PROSER1: variants seen among roughly 807,000 people sequenced by gnomAD.
PROSER1 encodes proline and serine-rich protein 1.
PROSER1 carries 36 observed loss-of-function variants against 71.8 expected under a neutral mutation model. The ratio of observed to expected loss-of-function variants is 0.50; its 90% CI spans 0.38 to 0.66. The LOEUF is 0.66. PROSER1 is among the 30% of genes least tolerant of loss of function. The pLI is 0.00. For synonymous variants in PROSER1, 490 were observed against 452.4 expected (o/e 1.08, Z -1.06); for missense variants, 1,107 against 1,135.0 (o/e 0.98, Z 0.35).
chr13:39,035,701 C>T lies in PROSER1; in HGVS notation c.45+1497G>A, dbSNP rs532867922. Among the ~76,000 whole-genome samples the T allele has an allele frequency of 2.0e-5, 3 of 152,262 alleles. No individual in the cohort carries two copies. The South Asian group carries it at 6.2e-4, about 32-fold the overall frequency. On this transcript the variant is annotated intron_variant, in intron 1 of 12. Transcript: ENST00000352251. The stretch of plus-strand genomic sequence containing the variant: ...TGTTTTAAATGACAGTAGTGACAAT[C>T]AGTATTATCTATCATATAAACTCAC...
At position 39,014,064 on chromosome 13, in the gene PROSER1, A is replaced by G. The variant is rs1168043836; in HGVS notation, c.1188T>C (p.Phe396=). ...PRSTLGSSEA[F]ASTSAPFTSL... is the part of the protein sequence containing the mutation. ...TAGTGAAAGGTGCAGAAGTAGAAGC[A>G]AATGCTTCACTGGAACCAAGAGTGG... The change falls in exon 11 of 13, where the codon TTT becomes TTC. Residue 396 remains phenylalanine, a synonymous_variant. Transcript: ENST00000352251. 6.2e-7 allele frequency: 1 copy of G among 1,614,212 alleles called. No homozygotes were observed. The highest frequency in any genetic ancestry group is 2.2e-5 in the East Asian group (1 of 44,882).
intron 10 of PROSER1, among the ~76,000 whole-genome samples, chr13:39,015,631 T>C (rs997701025): frequency 6.6e-6 from 1 of 152,154 alleles, no homozygotes; most frequent in Admixed American, 6.5e-5. Flanking sequence ...ACATAATTCA[T>C]TTGCACTATG....
chr13:39,022,595 A>G, intron 8 of PROSER1, 183 bp from the exon 9 acceptor site: 1 of 523,618 alleles, frequency 1.9e-6, no homozygotes, highest in Non-Finnish European at 3.4e-6. Context: ...CTGACACCAA[A>G]TGAAACAACC....
At chr13:39,022,201 C>G (rs1870322542) in intron 9 of PROSER1, 125 bp downstream of exon 9, 1 of 692,444 alleles carries the variant, frequency 1.4e-6, no homozygotes, top group African/African-American at 1.8e-5. Flanking sequence ...GATTCACTTC[C>G]AGATCCTTCA....
chr13:39,023,826 A>C (rs534577978), intron 7 of PROSER1: 6 of 152,722 alleles, frequency 3.9e-5, no homozygotes, highest in African/African-American at 1.4e-4. Flanking sequence ...CTACAGAGAG[A>C]GCATGTGCAT....
chr13:39,016,917 T>TTTGTC (rs1870032750), intron 10 of PROSER1, among the ~76,000 whole-genome samples: 1 of 152,188 alleles, frequency 6.6e-6, no homozygotes, highest in Non-Finnish European at 1.5e-5. Flanking sequence ...TTTTGTCTCA[T>TTTGTC]ACAAGAAAGC....
At chr13:39,016,366 T>C (rs868789473) in intron 10 of PROSER1, among the ~76,000 whole-genome samples, 3 of 152,332 alleles carry the variant, frequency 2.0e-5, no homozygotes, top group Non-Finnish European at 2.9e-5. Context: ...ACTAAGCAAC[T>C]GGATAAAAGA....
Position 39,013,082 on chromosome 13 carries a change from A to C in PROSER1, c.2170T>G (p.Ser724Ala). Reference sequence around the variant, plus strand: ...GCGGTAGATGAGGTGGCTATTAATGACCCTGGGAGAGATACTGACGGATTA... The same window carrying C: ...GCGGTAGATGAGGTGGCTATTAATGCCCCTGGGAGAGATACTGACGGATTA... ...SLNPSVSLPG[S>A]LIATSSTAAT... The change falls in exon 11 of 13, where the codon TCA (serine) becomes GCA (alanine). Residue 724 changes from serine (S) to alanine (A), a missense_variant. By Grantham distance (99) the Ser-to-Ala change is moderately conservative (BLOSUM62 1). Transcript: ENST00000352251. 1 of 1,614,088 alleles carries C rather than the reference A, an allele frequency of 6.2e-7. No individual in the cohort carries two copies. The highest frequency in any genetic ancestry group is 8.5e-7 in the Non-Finnish European group (1 of 1,180,014).
At chr13:39,031,500 C>T (rs1870840174) in intron 3 of PROSER1, 63 bp downstream of exon 3, 3 of 1,177,594 alleles carry the variant, frequency 2.5e-6, no homozygotes, top group African/African-American at 1.6e-5. Context: ...ATAAATTACA[C>T]ACAACTGGGA....
rs1481702365 is a variant in PROSER1 at position 39,031,567 on chromosome 13, T to C, written c.176A>G (p.Gln59Arg). Residue 59 changes from glutamine to arginine, a missense_variant, in exon 3 of 13, where the codon CAG becomes CGG. By Grantham distance (43) the Gln-to-Arg change is conservative (BLOSUM62 1). Coordinates refer to ENST00000352251, the MANE Select transcript of PROSER1 (RefSeq NM_025138.5). ...AGGAAAAAATAAGTTACTTACATGCTGTAATGCTTTCATTGCCTTCAACTG... is the reference window on the plus strand; with the variant it reads ...AGGAAAAAATAAGTTACTTACATGCCGTAATGCTTTCATTGCCTTCAACTG... ...EPQLKAMKALQHKMVAVQPTE... is the reference protein window; with the variant it reads ...EPQLKAMKALRHKMVAVQPTE... 12 of 1,606,058 alleles carry C rather than the reference T, an allele frequency of 7.5e-6. No individual in the cohort carries two copies. The highest frequency in any genetic ancestry group is 1.0e-5 in the Non-Finnish European group (12 of 1,175,180).
rs1869685717 is a variant in PROSER1 at position 39,012,060 on chromosome 13, T to C, written c.2712+23A>G. On this transcript the variant is annotated intron_variant, in intron 12 of 12. Coordinates refer to ENST00000352251, the MANE Select transcript of PROSER1 (RefSeq NM_025138.5). Reference sequence around the variant, plus strand: ...TTAGTTATACATGTTACCATGTAATTTATGCCAGCCATTGCTGCTTACCTG... The same window carrying C: ...TTAGTTATACATGTTACCATGTAATCTATGCCAGCCATTGCTGCTTACCTG... 1.9e-6 allele frequency: 3 copies of C among 1,607,078 alleles called. No individual in the cohort carries two copies. In the East Asian group the frequency reaches 6.7e-5, roughly 36 times the overall value.
At position 39,028,215 on chromosome 13, in the gene PROSER1, T is replaced by C. The variant is rs1387001172; in HGVS notation, c.369+12A>G. 6.9e-7 allele frequency: 1 copy of C among 1,453,654 alleles called. No individual in the cohort carries two copies. Among genetic ancestry groups the C allele is most frequent in the South Asian group, 1.2e-5 (1 of 86,772 alleles). The allele number at this position is 1,453,654 out of a possible 1,614,324, so 90.0% of individuals were successfully genotyped here. A position where few individuals can be genotyped will look rare whatever the true frequency, so the allele number is the denominator to read the frequency against. On this transcript the variant is annotated intron_variant, in intron 5 of 12. Transcript: ENST00000352251. ...CAGCGTACCAAGTACATGACAATCT[T>C]TAGAAAACTACCTGTTCAAGTATTC...
chr13:39,017,507 C>A lies in PROSER1; in HGVS notation c.768G>T (p.Gln256His). ...EDLSNPSKPI[Q>H]NQTFSTPASQ... Reference sequence around the variant, plus strand: ...ATCAAATTTGCTACTTACTTTGATTCTGTATAGGTTTTGACGGATTCGAAA... The same window carrying A: ...ATCAAATTTGCTACTTACTTTGATTATGTATAGGTTTTGACGGATTCGAAA... Residue 256 changes from glutamine to histidine, a missense_variant, in exon 10 of 13, where the codon CAG becomes CAT. Transcript: ENST00000352251. 6.5e-7 allele frequency: 1 copy of A among 1,544,252 alleles called. No individual in the cohort carries two copies. Among genetic ancestry groups the A allele is most frequent in the South Asian group, 1.2e-5 (1 of 86,088 alleles).
chr13:39,010,081 T>C lies in PROSER1; in HGVS notation c.*1284A>G, dbSNP rs1869567471. The C allele has an allele frequency of 6.6e-6, 1 of 152,610 alleles. No individual in the cohort carries two copies. The highest frequency in any genetic ancestry group is 6.5e-5 in the Admixed American group (1 of 15,274). 9.5% of individuals were successfully genotyped at this position (152,610 alleles called of 1,614,324 possible). The stretch of plus-strand genomic sequence containing the variant: ...TACAACTAAATTTGGATAAAAATGT[T>C]CAATAATTAACTCTAGCACGTATAC... On this transcript the variant is annotated 3_prime_UTR_variant, in exon 13 of 13. Coordinates refer to ENST00000352251, the MANE Select transcript of PROSER1 (RefSeq NM_025138.5).
chr13:39,011,344 G>C lies in PROSER1; in HGVS notation c.*21C>G. On this transcript the variant is annotated 3_prime_UTR_variant, in exon 13 of 13. Coordinates refer to ENST00000352251, the MANE Select transcript of PROSER1 (RefSeq NM_025138.5). Reference sequence around the variant, plus strand: ...AGGCAATTCTGATGTTGCTCTGAAGGAGAATAAAAGTTAAAAGTATTCACT... The same window carrying C: ...AGGCAATTCTGATGTTGCTCTGAAGCAGAATAAAAGTTAAAAGTATTCACT... The C allele has an allele frequency of 1.2e-6, 2 of 1,612,176 alleles. No homozygotes were observed. Among genetic ancestry groups the C allele is most frequent in the Non-Finnish European group, 1.7e-6 (2 of 1,178,790 alleles).
Position 39,023,393 on chromosome 13 carries a change from C to A in PROSER1, c.565-263G>T, listed in dbSNP as rs1043832214. The A allele has an allele frequency of 4.6e-5, 15 of 327,464 alleles. No homozygotes were observed. In the Admixed American group the frequency reaches 6.3e-4, roughly 14 times the overall value. 20.3% of individuals were successfully genotyped at this position (327,464 alleles called of 1,614,324 possible). A position where few individuals can be genotyped will look rare whatever the true frequency, so the allele number is the denominator to read the frequency against. ...AATCATCTCCAATAAGGGGTTAGAT[C>A]TCATTGTAAACAGCAAACTCCTCCC... On this transcript the variant is annotated intron_variant, in intron 7 of 12. Coordinates refer to ENST00000352251, the MANE Select transcript of PROSER1 (RefSeq NM_025138.5).
At position 39,014,247 on chromosome 13, in the gene PROSER1, T is replaced by C; in HGVS notation, c.1005A>G (p.Thr335=). 3 of 1,614,106 alleles carry C rather than the reference T, an allele frequency of 1.9e-6. No individual in the cohort carries two copies. The highest frequency in any genetic ancestry group is 2.5e-6 in the Non-Finnish European group (3 of 1,180,024). The part of the protein sequence containing the change: ...HTPQPSIPNP[T]VIRTPSLPTA... ...TGGGCAATGAAGGGGTTCTGATAACTGTTGGGTTTGGTATTGATGGCTGAG... is the reference window on the plus strand; with the variant it reads ...TGGGCAATGAAGGGGTTCTGATAACCGTTGGGTTTGGTATTGATGGCTGAG... Residue 335 remains threonine (T), a synonymous_variant, in exon 11 of 13, where the codon ACA becomes ACG. Coordinates refer to ENST00000352251, the MANE Select transcript of PROSER1 (RefSeq NM_025138.5).
At chr13:39,034,972 C>G (rs934164462) in intron 1 of PROSER1, among the ~76,000 whole-genome samples, 3 of 152,192 alleles carry the variant, frequency 2.0e-5, no homozygotes, top group Admixed American at 1.3e-4. Flanking sequence ...CACATGCTCC[C>G]CTTGCAGCTA....
Position 39,013,659 on chromosome 13 carries a change from G to A in PROSER1, c.1593C>T (p.Ser531=), listed in dbSNP as rs1170113493. The part of the protein sequence containing the change: ...PSAIPTPQRT[S]TPGLALFPGL... Reference sequence around the variant, plus strand: ...CTGGGAACAGGGCCAACCCTGGAGTGGAAGTCCTCTGTGGGGTAGGGATGG... The same window carrying A: ...CTGGGAACAGGGCCAACCCTGGAGTAGAAGTCCTCTGTGGGGTAGGGATGG... The change falls in exon 11 of 13, where the codon TCC becomes TCT. Residue 531 remains serine (S), a synonymous_variant. Coordinates refer to ENST00000352251, the MANE Select transcript of PROSER1 (RefSeq NM_025138.5). 6.2e-7 allele frequency: 1 copy of A among 1,614,164 alleles called. No homozygotes were observed. The highest frequency in any genetic ancestry group is 2.2e-5 in the East Asian group (1 of 44,872).
Sources: gnomAD v4.1 joint callset for allele counts (sites outside exome capture counted in the v4.1 genomes callset) on GRCh38, gnomAD v4.1.1 for gene constraint, MANE v1.5 for transcripts, NCBI Gene and HGNC (gene_info 2026-07-23, HGNC 2026-07-21) for gene names.